CCR9: variants seen among roughly 807,000 people sequenced by gnomAD.
CCR9 encodes the protein C-C motif chemokine receptor 9.
CCR9 carries 4 observed loss-of-function variants against 8.7 expected under a neutral mutation model. The observed-to-expected ratio is 0.46, with a 90% CI of 0.23 to 1.06. The LOEUF (loss-of-function observed/expected upper bound fraction) is 1.06. CCR9 is among the 50% of genes least tolerant of loss of function. The pLI is 0.21. For missense variants in CCR9, 394 were observed against 453.6 expected, an observed-to-expected ratio of 0.87 and a Z score of 1.19; for synonymous variants, 159 against 168.8, an observed-to-expected ratio of 0.94 and a Z score of 0.45.
intron 1 of CCR9, among the ~76,000 whole-genome samples, chr3:45,892,758 A>C (rs1404930979): frequency 2.0e-5 from 3 of 152,034 alleles, no homozygotes; most frequent in Non-Finnish European, 4.4e-5. Context: ...AACAAAAAAA[A>C]CCCACGTGGG....
At chr3:45,897,506 TG>T in intron 2 of CCR9, 1 of 1,173,210 alleles carries the variant, frequency 8.5e-7, no homozygotes, top group Non-Finnish European at 1.2e-6. Context: ...TGGAGAAAGC[TG>T]GGTCACCCAG....
chr3:45,893,186 G>C (rs373194322), intron 1 of CCR9, among the ~76,000 whole-genome samples: 5 of 147,386 alleles, frequency 3.4e-5, no homozygotes, highest in Non-Finnish European at 6.0e-5. Context: ...ATGGAGTCTT[G>C]CTCTGTCACC....
chr3:45,888,820 A>C (rs1702060237), intron 1 of CCR9, among the ~76,000 whole-genome samples: 1 of 150,930 alleles, frequency 6.6e-6, no homozygotes, highest in Non-Finnish European at 1.5e-5. Context: ...ATAGATGGCA[A>C]GGCTGTCTGT....
intron 2 of CCR9, among the ~76,000 whole-genome samples, chr3:45,899,803 G>A (rs1702486021): frequency 6.6e-6 from 1 of 152,144 alleles, no homozygotes; most frequent in African/African-American, 2.4e-5. Context: ...TCCCACCCCA[G>A]GTTTGACTCA....
chr3:45,887,397 A>AT (rs1702016739), intron 1 of CCR9, among the ~76,000 whole-genome samples: 1 of 152,170 alleles, frequency 6.6e-6, no homozygotes, highest in East Asian at 1.9e-4. Context: ...CATTTTGGGG[A>AT]TTTTTTGTGC....
rs757370656 is a variant in CCR9 at position 45,901,017 on chromosome 3, A to C, written c.229A>C (p.Thr77Pro). 3 of 1,614,172 alleles carry C rather than the reference A, an allele frequency of 1.9e-6. No homozygotes were observed. Among genetic ancestry groups the C allele is most frequent in the Non-Finnish European group, 2.5e-6 (3 of 1,180,022 alleles). ...TGTTATCCTTGTCTACTGGTACTGC[A>C]CAAGAGTGAAGACCATGACCGACAT... ...SLVILVYWYC[T>P]RVKTMTDMFL... Residue 77 changes from threonine to proline, a missense_variant, in exon 3 of 3, where the codon ACA becomes CCA. Physicochemically the swap from Thr to Pro is conservative, Grantham distance 38 (BLOSUM62 -1). Coordinates refer to ENST00000357632, the MANE Select transcript of CCR9 (RefSeq NM_031200.3). The surrounding 1 kb of genome is among the most constrained non-coding windows in gnomAD (Gnocchi z 4.3).
At position 45,902,039 on chromosome 3, in the gene CCR9, T is replaced by G. The variant is rs1371866275; in HGVS notation, c.*141T>G. 18 of 755,588 alleles carry G rather than the reference T, an allele frequency of 2.4e-5. No homozygotes were observed. The highest frequency in any genetic ancestry group is 1.3e-4 in the Admixed American group (4 of 31,680). 46.8% of individuals were successfully genotyped at this position (755,588 alleles called of 1,614,324 possible). ...ATCTGAACTATATGATTACTTGTAG[T>G]CAGAATTTGCCAAAGCAAATATTTC... On this transcript the variant is annotated 3_prime_UTR_variant, in exon 3 of 3. Transcript: ENST00000357632.
intron 1 of CCR9, among the ~76,000 whole-genome samples, chr3:45,894,063 T>C (rs943851342): frequency 2.0e-5 from 3 of 152,236 alleles, no homozygotes; most frequent in African/African-American, 4.8e-5. Flanking sequence ...TCGCTAAGGG[T>C]ATAAAAGGAA....
chr3:45,899,833 C>G (rs1035265252), intron 2 of CCR9, among the ~76,000 whole-genome samples: 9 of 152,162 alleles, frequency 5.9e-5, no homozygotes, highest in African/African-American at 2.2e-4. Flanking sequence ...ATCTCAGGGT[C>G]TCATTTCCAG....
At position 45,902,713 on chromosome 3, in the gene CCR9, T is replaced by C. The variant is rs200630761; in HGVS notation, c.*815T>C. The C allele has an allele frequency of 1.8e-5, 3 of 167,108 alleles. No individual in the cohort carries two copies. The highest frequency in any genetic ancestry group is 2.9e-5 in the Non-Finnish European group (2 of 68,136). 10.4% of individuals were successfully genotyped at this position (167,108 alleles called of 1,614,324 possible). On this transcript the variant is annotated 3_prime_UTR_variant, in exon 3 of 3. Coordinates refer to ENST00000357632, the MANE Select transcript of CCR9 (RefSeq NM_031200.3). ...TTCGCAGGAGCCAGCCTTGGCCCTG[T>C]TGTAGGCTTGTTCTGTTGAGTGGCA...
chr3:45,891,542 AGG>A lies in CCR9; in HGVS notation c.-28-3361_-28-3360del, dbSNP rs1702179581. On this transcript the variant is annotated intron_variant, in intron 1 of 2. Coordinates refer to ENST00000357632, the MANE Select transcript of CCR9 (RefSeq NM_031200.3). The stretch of plus-strand genomic sequence containing the variant: ...GTTCTCTTTTGCCCCTAAATACTTC[AGG>A]GGATAATTCCTAAGAACAGGGGCAT... Among the ~76,000 whole-genome samples the A allele has an allele frequency of 2.0e-5, 3 of 152,284 alleles. No individual in the cohort carries two copies. The East Asian group carries it at 5.8e-4, about 29-fold the overall frequency.
In CCR9 at chr3:45,901,794, G is replaced by T. The variant is rs1702568512; in HGVS notation, c.1006G>T (p.Gly336Cys). The change falls in exon 3 of 3, where the codon GGT becomes TGT. Residue 336 changes from glycine to cysteine, a missense_variant. By Grantham distance (159) the Gly-to-Cys change is radical. Transcript: ENST00000357632. This position sits in a 1 kb window ranked among gnomAD's most constrained non-coding sequence, Gnocchi z 4.3. ...TCTCGTGAAAACCCTGAAGAACTTG[G>T]GTTGCATCAGCCAGGCCCAGTGGGT... ...RDLVKTLKNL[G>C]CISQAQWVSF... The T allele has an allele frequency of 1.2e-6, 2 of 1,614,170 alleles. No homozygotes were observed. The highest frequency in any genetic ancestry group is 1.3e-5 in the African/African-American group (1 of 75,046).
chr3:45,902,726 C>G lies in CCR9; in HGVS notation c.*828C>G, dbSNP rs1420662743. ...GCCTTGGCCCTGTTGTAGGCTTGTT[C>G]TGTTGAGTGGCACTTGCTTTGGGTC... On this transcript the variant is annotated 3_prime_UTR_variant, in exon 3 of 3. Coordinates refer to ENST00000357632, the MANE Select transcript of CCR9 (RefSeq NM_031200.3). The G allele has an allele frequency of 1.2e-5, 2 of 167,120 alleles. No individual in the cohort carries two copies. The highest frequency in any genetic ancestry group is 4.8e-5 in the African/African-American group (2 of 41,448). 10.4% of individuals were successfully genotyped at this position (167,120 alleles called of 1,614,324 possible).
At chr3:45,895,881 G>A (rs1702337209) in intron 2 of CCR9, among the ~76,000 whole-genome samples, 1 of 152,108 alleles carries the variant, frequency 6.6e-6, no homozygotes, top group Non-Finnish European at 1.5e-5. Context: ...TCTTCTCCAA[G>A]GGAAAGCCTG....
rs750577412 is a variant in CCR9 at position 45,901,113 on chromosome 3, G to A, written c.325G>A (p.Ala109Thr). Residue 109 changes from alanine (A) to threonine (T), a missense_variant, in exon 3 of 3, where the codon GCT (alanine) becomes ACT (threonine). Physicochemically the swap from Ala to Thr is moderately conservative, Grantham distance 58. Coordinates refer to ENST00000357632, the MANE Select transcript of CCR9 (RefSeq NM_031200.3). The surrounding 1 kb of genome is among the most constrained non-coding windows in gnomAD (Gnocchi z 4.3). ...TCTTCCCTTCTGGGCCATTGCTGCTGCTGACCAGTGGAAGTTCCAGACCTT... is the reference window on the plus strand; with the variant it reads ...TCTTCCCTTCTGGGCCATTGCTGCTACTGACCAGTGGAAGTTCCAGACCTT... ...VTLPFWAIAA[A>T]DQWKFQTFMC... The A allele has an allele frequency of 1.2e-6, 2 of 1,614,012 alleles. No individual in the cohort carries two copies. The highest frequency in any genetic ancestry group is 1.3e-5 in the African/African-American group (1 of 74,904).
At chr3:45,899,115 G>A (rs112429621) in intron 2 of CCR9, among the ~76,000 whole-genome samples, 21 of 152,218 alleles carry the variant, frequency 1.4e-4, no homozygotes, top group Non-Finnish European at 2.6e-4. Flanking sequence ...GCAGTGAGCC[G>A]AGATGGCGCC....
At chr3:45,894,857 C>A in intron 1 of CCR9, 49 bp from the exon 2 acceptor site, 1 of 1,341,406 alleles carries the variant, frequency 7.5e-7, no homozygotes, top group Non-Finnish European at 1.1e-6. Flanking sequence ...TTGGTTGTTA[C>A]TATTCGTTTA....
Position 45,900,756 on chromosome 3 carries a change from C to T in CCR9, c.22-54C>T. The T allele has an allele frequency of 6.4e-7, 1 of 1,554,238 alleles. No individual in the cohort carries two copies. The highest frequency in any genetic ancestry group is 1.8e-5 in the Admixed American group (1 of 56,452). ...AGAGGTCCATGCCTCTGCCATCAGA[C>T]AGGACCTTCAAAATATTTTCCTTGA... On this transcript the variant is annotated intron_variant, in intron 2 of 2. Transcript: ENST00000357632. This position sits in a 1 kb window ranked among gnomAD's most constrained non-coding sequence, Gnocchi z 4.7.
intron 1 of CCR9, among the ~76,000 whole-genome samples, chr3:45,887,110 T>C (rs931132223): frequency 2.6e-5 from 4 of 152,166 alleles, no homozygotes; most frequent in African/African-American, 9.7e-5. Context: ...GACAATGGAA[T>C]ACACAGCAGC....
Sources: allele counts gnomAD v4.1 joint callset (sites outside exome capture counted in the v4.1 genomes callset), GRCh38; gene constraint gnomAD v4.1.1; non-coding constraint Gnocchi (gnomAD v3.1); transcripts MANE v1.5; gene names NCBI Gene and HGNC (gene_info 2026-07-23, HGNC 2026-07-21).